Variants in KCNH8 observed in about 807,000 individuals in gnomAD.
KCNH8 encodes voltage-gated delayed rectifier potassium channel KCNH8.
Under a neutral mutation model 103.6 loss-of-function variants are expected in KCNH8, and 70 were observed. That is an observed-to-expected ratio of 0.68 (90% CI 0.56 to 0.82). The LOEUF (loss-of-function observed/expected upper bound fraction) is 0.82, where lower values mean the gene tolerates loss of function less well. Among genes scored for constraint, KCNH8 ranks in the 40% least tolerant of loss-of-function variants. The pLI is 0.00. For missense variants in KCNH8, 1,217 were observed against 1,329.9 expected (o/e 0.92, Z 1.32); for synonymous variants, 498 against 489.4 (o/e 1.02, Z -0.23).
At chr3:19,149,603 C>G (rs1195900706) in intron 1 of KCNH8, among the ~76,000 whole-genome samples, 1 of 152,176 alleles carries the variant, frequency 6.6e-6, no homozygotes, top group Non-Finnish European at 1.5e-5. Context: ...GGTCCCCACT[C>G]CTTCTCAGGC....
At chr3:19,177,805 T>A (rs997181319) in intron 1 of KCNH8, among the ~76,000 whole-genome samples, 2 of 152,144 alleles carry the variant, frequency 1.3e-5, no homozygotes, top group Non-Finnish European at 2.9e-5. Flanking sequence ...CTCTTCTGTT[T>A]ATAGACAATT....
At chr3:19,268,380 A>G (rs1304463126) in intron 2 of KCNH8, among the ~76,000 whole-genome samples, 2 of 152,050 alleles carry the variant, frequency 1.3e-5, no homozygotes, top group African/African-American at 2.4e-5. Flanking sequence ...AGTCAAAGAG[A>G]GCCACGTATG....
intron 1 of KCNH8, among the ~76,000 whole-genome samples, chr3:19,163,247 G>GT (rs1418966869): frequency 1.3e-5 from 2 of 150,396 alleles, no homozygotes; most frequent in African/African-American, 4.9e-5. Context: ...TGTGTTTAGT[G>GT]TACTATTTTA....
intron 1 of KCNH8, among the ~76,000 whole-genome samples, chr3:19,167,120 C>A (rs2063293115): frequency 6.6e-6 from 1 of 152,186 alleles, no homozygotes; most frequent in Non-Finnish European, 1.5e-5. Context: ...GACATTTTAT[C>A]CCAATTCTAC....
chr3:19,378,559 T>G (rs906317941), intron 5 of KCNH8, among the ~76,000 whole-genome samples: 1 of 152,220 alleles, frequency 6.6e-6, no homozygotes, highest in Non-Finnish European at 1.5e-5. Flanking sequence ...GTTTCTTTGT[T>G]TCTCCCACAG....
intron 3 of KCNH8, among the ~76,000 whole-genome samples, chr3:19,334,234 G>A (rs145675027): frequency 1.3e-5 from 2 of 152,256 alleles, no homozygotes; most frequent in East Asian, 1.9e-4. Flanking sequence ...AGGTACACTC[G>A]CAGCAGCTAT....
In KCNH8 at chr3:19,339,020, A is replaced by G. The variant is rs369492051; in HGVS notation, c.443-3567A>G. On this transcript the variant is annotated intron_variant, in intron 3 of 15. Coordinates refer to ENST00000328405, the MANE Select transcript of KCNH8 (RefSeq NM_144633.3). Reference sequence around the variant, plus strand: ...TGATGTGTTTGTGGTTTATGTAGATATGCAGATTAGAAATATTGCTGTCAG... The same window carrying G: ...TGATGTGTTTGTGGTTTATGTAGATGTGCAGATTAGAAATATTGCTGTCAG... Among the ~76,000 whole-genome samples the G allele has an allele frequency of 8.5e-5, 13 of 152,232 alleles. 1 individual carries two copies. Among genetic ancestry groups the G allele is most frequent in the Admixed American group, 4.6e-4 (7 of 15,256 alleles).
intron 1 of KCNH8, among the ~76,000 whole-genome samples, chr3:19,155,830 A>G (rs906762930): frequency 2.0e-5 from 3 of 152,128 alleles, no homozygotes; most frequent in Admixed American, 1.3e-4. Context: ...ATCAGCTTTT[A>G]TATGTGCTAT....
chr3:19,243,081 G>GC (rs1425262418), intron 1 of KCNH8, among the ~76,000 whole-genome samples: 2 of 152,108 alleles, frequency 1.3e-5, no homozygotes, highest in Non-Finnish European at 2.9e-5. Flanking sequence ...TATTGTGAGG[G>GC]CCACAGATTC....
chr3:19,501,089 G>A (rs1015917922), intron 11 of KCNH8, among the ~76,000 whole-genome samples: 1 of 152,064 alleles, frequency 6.6e-6, no homozygotes, highest in Non-Finnish European at 1.5e-5. Context: ...AAATGATAAA[G>A]GGGATATCAC....
intron 11 of KCNH8, among the ~76,000 whole-genome samples, chr3:19,464,199 T>A (rs2067690219): frequency 6.6e-6 from 1 of 152,132 alleles, no homozygotes; most frequent in South Asian, 2.1e-4. Context: ...TGCAAGGCTG[T>A]ACAATTTCAA....
At chr3:19,166,110 A>G (rs1295236457) in intron 1 of KCNH8, among the ~76,000 whole-genome samples, 1 of 152,216 alleles carries the variant, frequency 6.6e-6, no homozygotes, top group African/African-American at 2.4e-5. Flanking sequence ...AATTGGAGTC[A>G]ATAATAAAAT....
Position 19,438,366 on chromosome 3 carries a change from G to C in KCNH8, c.1375+5G>C. Reference sequence around the variant, plus strand: ...TCTGCACCATGCTGATTGGTGGTAAGAGAGCATCTTCTTTTATACTAAGAA... The same window carrying C: ...TCTGCACCATGCTGATTGGTGGTAACAGAGCATCTTCTTTTATACTAAGAA... On this transcript the variant is annotated splice_donor_5th_base_variant and intron_variant, in intron 8 of 15. Transcript: ENST00000328405. 1 of 1,611,258 alleles carries C rather than the reference G, an allele frequency of 6.2e-7. No homozygotes were observed. Among genetic ancestry groups the C allele is most frequent in the African/African-American group, 1.3e-5 (1 of 75,004 alleles).
intron 3 of KCNH8, among the ~76,000 whole-genome samples, chr3:19,298,361 A>G (rs1318415506): frequency 1.3e-5 from 2 of 152,224 alleles, no homozygotes; most frequent in African/African-American, 4.8e-5. Flanking sequence ...TCTTATAACA[A>G]GTAGAATGCT....
At chr3:19,411,083 A>G (rs1334668857) in intron 7 of KCNH8, among the ~76,000 whole-genome samples, 2 of 152,070 alleles carry the variant, frequency 1.3e-5, no homozygotes, top group African/African-American at 2.4e-5. Context: ...CTACAGGCCA[A>G]TATCCCTGAT....
chr3:19,364,867 T>C (rs77388903), intron 5 of KCNH8, among the ~76,000 whole-genome samples: 2,274 of 152,228 alleles, frequency 0.015, 31 homozygotes, highest in Non-Finnish European at 0.025. Flanking sequence ...GAATTCACTA[T>C]GGGAAGATGA....
intron 11 of KCNH8, among the ~76,000 whole-genome samples, chr3:19,497,330 T>A (rs750650357): frequency 3.3e-4 from 50 of 152,280 alleles, no homozygotes; most frequent in Non-Finnish European, 5.9e-4. Flanking sequence ...CCTCTAGTTG[T>A]GATGTTAGGT....
At chr3:19,513,812 A>T (rs2125243237) in intron 13 of KCNH8, among the ~76,000 whole-genome samples, 1 of 152,202 alleles carries the variant, frequency 6.6e-6, no homozygotes. Context: ...TGGTCTCTTC[A>T]ATAAGTAACA....
intron 2 of KCNH8, among the ~76,000 whole-genome samples, chr3:19,274,852 T>TCCCCA (rs2064642542): frequency 1.4e-4 from 1 of 7,240 alleles, no homozygotes; most frequent in African/African-American, 5.6e-4. Flanking sequence ...ACCCCTCCCC[T>TCCCCA]CCCCTCCCCA....
Sources: allele counts gnomAD v4.1 joint callset (sites outside exome capture counted in the v4.1 genomes callset), GRCh38; gene constraint gnomAD v4.1.1; transcripts MANE v1.5; gene names NCBI Gene and HGNC (gene_info 2026-07-23, HGNC 2026-07-21).